Variants in NUP88 observed in about 807,000 individuals in gnomAD.
NUP88 encodes nucleoporin 88, also known as nuclear pore complex protein Nup88.
Under a neutral mutation model 93.9 loss-of-function variants are expected in NUP88, and 57 were observed. That is an observed-to-expected ratio of 0.61 (90% CI 0.49 to 0.76). The LOEUF is 0.76. Ranked by LOEUF, NUP88 falls within the 30% of genes least tolerant of loss-of-function variation. The pLI is 0.00. For synonymous variants in NUP88, 346 were observed against 336.8 expected (o/e 1.03, Z -0.30); for missense variants, 911 against 901.0 (o/e 1.01, Z -0.14).
chr17:5,409,898 T>C (rs1435966151), intron 4 of NUP88, among the ~76,000 whole-genome samples: 4 of 152,140 alleles, frequency 2.6e-5, no homozygotes, highest in Non-Finnish European at 5.9e-5. Context: ...GGAGAGCAAA[T>C]GCTCTAAGGT....
At chr17:5,407,746 C>A (rs1913580775) in intron 5 of NUP88, among the ~76,000 whole-genome samples, 1 of 152,198 alleles carries the variant, frequency 6.6e-6, no homozygotes, top group African/African-American at 2.4e-5. Flanking sequence ...CCTTTACTGA[C>A]CTGTTTCTGT....
chr17:5,390,048 C>T (rs1025898996), intron 10 of NUP88, among the ~76,000 whole-genome samples: 1 of 151,372 alleles, frequency 6.6e-6, no homozygotes, highest in African/African-American at 2.4e-5. Flanking sequence ...GCCTGTAATC[C>T]CAGCTACTAG....
intron 2 of NUP88, 136 bp from the exon 3 acceptor site, chr17:5,414,270 A>ACTGCAACCTCCGCCTCC (rs1567577805): frequency 6.2e-6 from 4 of 646,266 alleles, no homozygotes; most frequent in Non-Finnish European, 1.0e-5. Context: ...ATCTCGGCTC[A>ACTGCAACCTCCGCCTCC]CTGCAACCTC....
In NUP88 at chr17:5,394,965, A is replaced by G; in HGVS notation, c.1308T>C (p.Asp436=). The change falls in exon 9 of 17, where the codon GAT becomes GAC. Residue 436 remains aspartate, a synonymous_variant. Transcript: ENST00000573584. ...KFLGSDEEDK[D]SLQELSTEQK... ...GTTCTGTAGAGAGTTCCTGTAAACTATCCTTATCTTCTTCATCTACCATGG... is the reference window on the plus strand; with the variant it reads ...GTTCTGTAGAGAGTTCCTGTAAACTGTCCTTATCTTCTTCATCTACCATGG... 1 of 1,606,860 alleles carries G rather than the reference A, an allele frequency of 6.2e-7. No individual in the cohort carries two copies.
chr17:5,405,414 T>A (rs996613984), intron 5 of NUP88, among the ~76,000 whole-genome samples, 171 bp from the exon 6 acceptor site: 1 of 152,218 alleles, frequency 6.6e-6, no homozygotes, highest in African/African-American at 2.4e-5. Context: ...CCACTCTGTG[T>A]TTCTCAACCA....
chr17:5,389,894 G>T (rs565118912), intron 10 of NUP88, among the ~76,000 whole-genome samples: 1 of 151,646 alleles, frequency 6.6e-6, no homozygotes, highest in Non-Finnish European at 1.5e-5. Context: ...GGCCTGGCAC[G>T]GTGGCTCATG....
At chr17:5,399,037 C>T (rs1173018150) in intron 8 of NUP88, among the ~76,000 whole-genome samples, 7 of 151,530 alleles carry the variant, frequency 4.6e-5, no homozygotes, top group South Asian at 4.2e-4. Context: ...TACAGGCGCC[C>T]GCCACCACGC....
intron 5 of NUP88, 43 bp downstream of exon 5, chr17:5,408,690 C>G (rs762093298): frequency 6.7e-7 from 1 of 1,490,150 alleles, no homozygotes; most frequent in Non-Finnish European, 9.1e-7. Flanking sequence ...TACTGGAGCC[C>G]AAACTGAGTT....
chr17:5,414,111 A>C lies in NUP88; in HGVS notation c.491T>G (p.Phe164Cys). The C allele has an allele frequency of 6.2e-7, 1 of 1,613,734 alleles. No homozygotes were observed. The highest frequency in any genetic ancestry group is 8.5e-7 in the Non-Finnish European group (1 of 1,179,656). The change falls in exon 3 of 17, where the codon TTT (phenylalanine) becomes TGT (cysteine). Residue 164 changes from phenylalanine to cysteine, a missense_variant. By Grantham distance (205) the Phe-to-Cys change is radical. Coordinates refer to ENST00000573584, the MANE Select transcript of NUP88 (RefSeq NM_002532.6). ...NCSTTPVAER[F>C]FTSSTSLTLK... is the part of the protein sequence containing the mutation. ...AGTCAGAGAGGTGGAACTGGTGAAA[A>C]ATCTCTCCGCAACTGGAGTGGTACT...
intron 10 of NUP88, among the ~76,000 whole-genome samples, chr17:5,389,306 G>A (rs1461906150): frequency 6.6e-6 from 1 of 152,218 alleles, no homozygotes; most frequent in Non-Finnish European, 1.5e-5. Flanking sequence ...TAGGTTTAGA[G>A]TTGATCAAAA....
At chr17:5,387,543 A>C (rs1365389680) in intron 13 of NUP88, 62 bp downstream of exon 13, 3 of 1,594,502 alleles carry the variant, frequency 1.9e-6, no homozygotes, top group Non-Finnish European at 2.6e-6. Context: ...TCAGCATCTT[A>C]GGGTGAGAAT....
chr17:5,389,549 A>C (rs1034582760), intron 10 of NUP88, among the ~76,000 whole-genome samples: 1 of 150,396 alleles, frequency 6.6e-6, no homozygotes, highest in African/African-American at 2.4e-5. Flanking sequence ...AGGCCGAGGC[A>C]GGTGGATCAC....
chr17:5,387,255 C>A (rs1912061811), intron 14 of NUP88, 131 bp downstream of exon 14: 5 of 1,240,496 alleles, frequency 4.0e-6, no homozygotes, highest in Non-Finnish European at 5.8e-6. Context: ...TTTTCCCCAA[C>A]ATATACTTCA....
At position 5,405,210 on chromosome 17, in the gene NUP88, C is replaced by T. The variant is rs751450258; in HGVS notation, c.891G>A (p.Leu297=). The change falls in exon 6 of 17, where the codon TTG becomes TTA. Residue 297 remains leucine, a synonymous_variant. Transcript: ENST00000573584. The stretch of plus-strand genomic sequence containing the variant: ...TATCTTCAGCCGCAGGATGCATGGG[C>T]AATGGACCCAACAGCTTTCCAATAT... ...PGNIGKLLGP[L]PMHPAAEDNY... is the part of the protein sequence containing the mutation. 14 of 1,613,736 alleles carry T rather than the reference C, an allele frequency of 8.7e-6. No homozygotes were observed. The East Asian group carries it at 2.5e-4, about 28-fold the overall frequency.
At chr17:5,390,334 T>C (rs997028382) in intron 10 of NUP88, among the ~76,000 whole-genome samples, 3 of 152,338 alleles carry the variant, frequency 2.0e-5, no homozygotes, top group Admixed American at 1.3e-4. Context: ...CCAGTGATTT[T>C]ATTATTTTTG....
At chr17:5,411,830 C>T (rs887771822) in intron 3 of NUP88, among the ~76,000 whole-genome samples, 8 of 152,178 alleles carry the variant, frequency 5.3e-5, no homozygotes, top group Admixed American at 3.3e-4. Flanking sequence ...TTGGTTTCTT[C>T]CAATATCAAT....
rs1406737502 is a variant in NUP88, at chr17:5,414,088, T to G, written c.514A>C (p.Thr172Pro). The change falls in exon 3 of 17, where the codon ACT becomes CCT. Residue 172 changes from threonine (T) to proline (P), a missense_variant. Coordinates refer to ENST00000573584, the MANE Select transcript of NUP88 (RefSeq NM_002532.6). ...GGATACCATGCAGCATGCTTTAGAG[T>G]CAGAGAGGTGGAACTGGTGAAAAAT... ...ERFFTSSTSLTLKHAAWYPSE... is the reference protein window; with the variant it reads ...ERFFTSSTSLPLKHAAWYPSE... 1 of 1,613,718 alleles carries G rather than the reference T, an allele frequency of 6.2e-7. No individual in the cohort carries two copies. The highest frequency in any genetic ancestry group is 1.7e-5 in the Admixed American group (1 of 60,008).
At chr17:5,398,105 G>A (rs1002508993) in intron 8 of NUP88, among the ~76,000 whole-genome samples, 1 of 150,384 alleles carries the variant, frequency 6.6e-6, no homozygotes, top group Admixed American at 6.6e-5. Flanking sequence ...TAGAGACAGG[G>A]TTTCACCATT....
In NUP88 at chr17:5,404,110, T is replaced by C. The variant is rs758816673; in HGVS notation, c.1181A>G (p.Lys394Arg). The C allele has an allele frequency of 1.5e-5, 24 of 1,613,990 alleles. No homozygotes were observed. The highest frequency in any genetic ancestry group is 2.7e-5 in the African/African-American group (2 of 74,914). Reference sequence around the variant, plus strand: ...ATTGAAGAGCTTACCTCTATGAAGTTTGACTGGACAAGAAAAGTCAGAATC... The same window carrying C: ...ATTGAAGAGCTTACCTCTATGAAGTCTGACTGGACAAGAAAAGTCAGAATC... The part of the protein sequence containing the change: ...PFDSDFSCPV[K>R]LHRDPKCPSR... The change falls in exon 7 of 17, where the codon AAA (lysine) becomes AGA (arginine). Residue 394 changes from lysine to arginine, a missense_variant. Coordinates refer to ENST00000573584, the MANE Select transcript of NUP88 (RefSeq NM_002532.6).
Sources: allele counts gnomAD v4.1 joint callset (sites outside exome capture counted in the v4.1 genomes callset), GRCh38; gene constraint gnomAD v4.1.1; transcripts MANE v1.5; gene names NCBI Gene and HGNC (gene_info 2026-07-23, HGNC 2026-07-21).